Variants in CDON observed in about 807,000 individuals in gnomAD.
CDON encodes the protein cell adhesion molecule-related/down-regulated by oncogenes.
CDON carries 73 observed loss-of-function variants against 120.9 expected under a neutral mutation model. That is an observed-to-expected ratio of 0.60 (90% CI 0.50 to 0.73). CDON has a LOEUF of 0.73. Ranked by LOEUF, CDON falls within the 30% of genes least tolerant of loss-of-function variation. The probability of loss-of-function intolerance (pLI) is 0.00; values close to 1 mark genes in which losing one functional copy is unlikely to be tolerated. For missense variants in CDON, 1,470 were observed against 1,587.3 expected, an observed-to-expected ratio of 0.93 and a Z score of 1.26; for synonymous variants, 566 against 573.5, an observed-to-expected ratio of 0.99 and a Z score of 0.19.
intron 1 of CDON, among the ~76,000 whole-genome samples, chr11:126,037,429 T>C (rs1948130108): frequency 6.6e-6 from 1 of 152,104 alleles, no homozygotes; most frequent in Non-Finnish European, 1.5e-5. Context: ...GGACAGACTA[T>C]GAGTGGGGTT....
At chr11:125,990,950 T>G (rs1243689511) in intron 14 of CDON, among the ~76,000 whole-genome samples, 1 of 152,134 alleles carries the variant, frequency 6.6e-6, no homozygotes, top group African/African-American at 2.4e-5. Flanking sequence ...CCAAAACTGG[T>G]TGAAAATGGA....
rs141827819 is a variant in CDON, at chr11:125,963,913, A to G, written c.3357-1915T>C. On this transcript the variant is annotated intron_variant, in intron 18 of 19. Transcript: ENST00000531738. ...GCAGAAGGACGTTAACTGGAGCCAC[A>G]ATCAGAGCACTGGTCTAGATGTGTC... is the stretch of plus-strand genomic sequence containing the variant. 5.9e-3 allele frequency among the ~76,000 whole-genome samples: 896 copies of G among 152,338 alleles called. 5 individuals are homozygous for G. Among genetic ancestry groups the G allele is most frequent in the African/African-American group, 0.02 (826 of 41,578 alleles).
Position 125,984,188 on chromosome 11 carries a change from C to A in CDON, c.2774-95G>T, listed in dbSNP as rs1591565578. 4 of 858,220 alleles carry A rather than the reference C, an allele frequency of 4.7e-6. No homozygotes were observed. In the East Asian group the frequency reaches 1.0e-4, roughly 22 times the overall value. 53.2% of individuals were successfully genotyped at this position (858,220 alleles called of 1,614,324 possible). A position where few individuals can be genotyped will look rare whatever the true frequency, so the allele number is the denominator to read the frequency against. ...AAGGAGGTCTGGTTAGGAATGCAAG[C>A]CAGTCTGTTTACTCTTGTTACTGAG... On this transcript the variant is annotated intron_variant, in intron 15 of 19. Transcript: ENST00000531738.
intron 7 of CDON, among the ~76,000 whole-genome samples, chr11:126,013,486 G>A (rs1049605628): frequency 6.6e-6 from 1 of 152,060 alleles, no homozygotes; most frequent in Non-Finnish European, 1.5e-5. Context: ...TCTTTCATAG[G>A]TGTAGGACTA....
chr11:125,997,020 C>G (rs984772172), intron 12 of CDON, among the ~76,000 whole-genome samples, 187 bp downstream of exon 12: 1 of 151,930 alleles, frequency 6.6e-6, no homozygotes, highest in Non-Finnish European at 1.5e-5. Context: ...GTACAAAAAA[C>G]ACAAAAATTA....
chr11:126,008,416 G>A (rs1947190168), intron 8 of CDON, among the ~76,000 whole-genome samples: 1 of 152,084 alleles, frequency 6.6e-6, no homozygotes. Context: ...AAAAGACAAC[G>A]TAGGACCTCT....
At chr11:125,979,941 T>C (rs1236167538) in intron 17 of CDON, among the ~76,000 whole-genome samples, 1 of 152,228 alleles carries the variant, frequency 6.6e-6, no homozygotes, top group Non-Finnish European at 1.5e-5. Context: ...CTATTCAATT[T>C]CTAGCTTTAA....
intron 1 of CDON, among the ~76,000 whole-genome samples, chr11:126,039,304 CA>C (rs1948189237): frequency 6.6e-6 from 1 of 152,130 alleles, no homozygotes; most frequent in African/African-American, 2.4e-5. Context: ...TTTTAATAAA[CA>C]GAAAATTTAC....
chr11:125,968,725 T>C (rs1945876654), intron 18 of CDON, among the ~76,000 whole-genome samples: 1 of 152,250 alleles, frequency 6.6e-6, no homozygotes, highest in Admixed American at 6.5e-5. Flanking sequence ...GTAAAGCAAC[T>C]GTGACCTGAA....
intron 18 of CDON, among the ~76,000 whole-genome samples, chr11:125,964,951 G>C (rs1389012038): frequency 1.3e-5 from 2 of 152,198 alleles, no homozygotes; most frequent in Non-Finnish European, 2.9e-5. Context: ...TTTTGAGAAG[G>C]AGTCTCGCTC....
At chr11:125,961,530 T>C (rs1186903061) in intron 19 of CDON, 194 bp downstream of exon 19, 1 of 667,442 alleles carries the variant, frequency 1.5e-6, no homozygotes, top group African/African-American at 1.8e-5. Flanking sequence ...AGGACATGAG[T>C]AATAACAGAA....
rs78986535 is a variant in CDON at position 125,961,512 on chromosome 11, T to C, written c.3631+212A>G. 15,899 of 629,632 alleles carry C rather than the reference T, an allele frequency of 0.025. 360 individuals are homozygous for C. Among genetic ancestry groups the C allele is most frequent in the African/African-American group, 0.061 (3,350 of 54,656 alleles). The allele number at this position is 629,632 out of a possible 1,614,324, so 39.0% of individuals were successfully genotyped here. A position where few individuals can be genotyped will look rare whatever the true frequency, so the allele number is the denominator to read the frequency against. Reference sequence around the variant, plus strand: ...CCAAAGTGTGATGGGATTGACAGCCTGAGATGAAGGACATGAGTAATAACA... The same window carrying C: ...CCAAAGTGTGATGGGATTGACAGCCCGAGATGAAGGACATGAGTAATAACA... On this transcript the variant is annotated intron_variant, in intron 19 of 19. Coordinates refer to ENST00000531738, the MANE Select transcript of CDON (RefSeq NM_001378964.1).
intron 1 of CDON, among the ~76,000 whole-genome samples, chr11:126,042,857 G>A (rs115979936): frequency 0.013 from 2,003 of 151,996 alleles, 42 homozygotes; most frequent in African/African-American, 0.045. Context: ...TCCTAAGCTC[G>A]GGCAATCCAC....
Position 126,010,468 on chromosome 11 carries a change from G to A in CDON, c.1425C>T (p.Phe475=), listed in dbSNP as rs768862954. The A allele has an allele frequency of 6.8e-5, 109 of 1,614,000 alleles. No homozygotes were observed. The highest frequency in any genetic ancestry group is 8.6e-5 in the Non-Finnish European group (101 of 1,180,012). Residue 475 remains phenylalanine (F), a synonymous_variant, in exon 8 of 20, where the codon TTC becomes TTT. Coordinates refer to ENST00000531738, the MANE Select transcript of CDON (RefSeq NM_001378964.1). ...PEGLNLEPVY[F]VLSQAGASSL... ...AGCTTGCACCAGCTTGGGACAGGAC[G>A]AAGTACACAGGCTCCAGGTTCAAGC...
chr11:126,001,350 G>A (rs1203267046), intron 11 of CDON, among the ~76,000 whole-genome samples: 1 of 151,956 alleles, frequency 6.6e-6, no homozygotes, highest in African/African-American at 2.4e-5. Context: ...ACCACACCCA[G>A]CTAATTTTTT....
Position 125,974,390 on chromosome 11 carries a change from AAGGG to A in CDON, c.3356+3910_3356+3913del, listed in dbSNP as rs149644937. 8.9e-3 allele frequency among the ~76,000 whole-genome samples: 409 copies of A among 46,002 alleles called. 11 individuals carry two copies. Among genetic ancestry groups the A allele is most frequent in the African/African-American group, 0.015 (106 of 6,956 alleles). 30.2% of individuals were successfully genotyped at this position (46,002 alleles called of 152,430 possible). On this transcript the variant is annotated intron_variant, in intron 18 of 19. Transcript: ENST00000531738. ...GTAGGAAGGAAGGAAGGAAGGAAGG[AAGGG>A]AGGGAGGGAGGGAGGGAGGGAGGGA... is the stretch of plus-strand genomic sequence containing the variant.
intron 11 of CDON, among the ~76,000 whole-genome samples, chr11:126,000,963 T>A (rs891022449): frequency 6.6e-6 from 1 of 152,150 alleles, no homozygotes; most frequent in Non-Finnish European, 1.5e-5. Context: ...ATTGAAATAC[T>A]AAAAAAGTCT....
intron 18 of CDON, among the ~76,000 whole-genome samples, chr11:125,973,837 C>A (rs1946071426): frequency 6.6e-6 from 1 of 152,172 alleles, no homozygotes; most frequent in African/African-American, 2.4e-5. Context: ...CTCCCACATT[C>A]TTTACTTTTC....
chr11:126,056,305 C>A (rs138865414), intron 1 of CDON, among the ~76,000 whole-genome samples: 257 of 152,298 alleles, frequency 1.7e-3, no homozygotes, highest in Non-Finnish European at 2.9e-3. Context: ...TCATGTATCA[C>A]TATTTCAACG....
Sources: gnomAD v4.1 joint callset for allele counts (sites outside exome capture counted in the v4.1 genomes callset) on GRCh38, gnomAD v4.1.1 for gene constraint, MANE v1.5 for transcripts, NCBI Gene and HGNC (gene_info 2026-07-23, HGNC 2026-07-21) for gene names.